Variants in NDE1 observed in about 807,000 individuals in gnomAD.
NDE1 encodes nuclear distribution protein nudE homolog 1.
In NDE1, 28 loss-of-function variants were observed where a neutral mutation model predicts 43.4. The ratio of observed to expected loss-of-function variants is 0.65; its 90% confidence interval spans 0.48 to 0.89. The LOEUF (loss-of-function observed/expected upper bound fraction) is 0.89, where lower values mean the gene tolerates loss of function less well. Ranked by LOEUF, NDE1 falls within the 40% of genes least tolerant of loss-of-function variation. The pLI, the probability that NDE1 is intolerant of heterozygous loss-of-function variation, is 0.00. For missense variants in NDE1, 441 were observed against 434.1 expected (o/e 1.02, Z -0.14); for synonymous variants, 184 against 172.0 (o/e 1.07, Z -0.55).
At chr16:15,710,582 G>C (rs1339524884) in intron 8 of NDE1, among the ~76,000 whole-genome samples, 1 of 152,140 alleles carries the variant, frequency 6.6e-6, no homozygotes, top group Admixed American at 6.6e-5. Flanking sequence ...AGACAGCAGT[G>C]GGGTAGGGAG....
At chr16:15,710,788 C>G (rs912600439) in intron 8 of NDE1, among the ~76,000 whole-genome samples, 5 of 152,072 alleles carry the variant, frequency 3.3e-5, no homozygotes, top group African/African-American at 1.2e-4. Context: ...AAGGAGTGTC[C>G]TGTCTCAGCC....
chr16:15,716,806 G>A (rs897608679), intron 8 of NDE1, among the ~76,000 whole-genome samples: 5 of 152,176 alleles, frequency 3.3e-5, no homozygotes, highest in African/African-American at 4.8e-5. Context: ...GAGCCACCAC[G>A]TCCAGCCTGG....
At chr16:15,700,155 G>C in intron 8 of NDE1, 1 of 1,030,286 alleles carries the variant, frequency 9.7e-7, no homozygotes, top group Non-Finnish European at 1.2e-6. Context: ...GGAGTGTGGT[G>C]GCGTGATCTC....
intron 8 of NDE1, chr16:15,718,779 C>A (rs1357395257): frequency 9.1e-6 from 4 of 439,134 alleles, no homozygotes; most frequent in Non-Finnish European, 1.7e-5. Context: ...GAAAACCTAA[C>A]CACCATGGGT....
intron 1 of NDE1, among the ~76,000 whole-genome samples, chr16:15,652,636 A>G (rs1023967016): frequency 6.6e-6 from 1 of 152,148 alleles, no homozygotes. Flanking sequence ...ATCCTGGAAC[A>G]ATAGCTATTT....
chr16:15,721,110 A>G, intron 8 of NDE1: 1 of 1,582,606 alleles, frequency 6.3e-7, no homozygotes, highest in Non-Finnish European at 8.6e-7. Context: ...GACGATTGAG[A>G]AACCCACCGT....
intron 3 of NDE1, among the ~76,000 whole-genome samples, chr16:15,668,323 C>A (rs575768882): frequency 6.6e-6 from 1 of 152,344 alleles, no homozygotes; most frequent in Non-Finnish European, 1.5e-5. Context: ...TGCCACTGCA[C>A]TCCAGCCTGG....
chr16:15,658,928 A>G (rs566105366), intron 1 of NDE1, among the ~76,000 whole-genome samples: 1 of 152,196 alleles, frequency 6.6e-6, no homozygotes, highest in Non-Finnish European at 1.5e-5. Flanking sequence ...AAGTGTTGAG[A>G]TTACAGGCAT....
At chr16:15,719,169 T>G in intron 8 of NDE1, 1 of 1,536,156 alleles carries the variant, frequency 6.5e-7, no homozygotes, top group Non-Finnish European at 9.0e-7. Flanking sequence ...GGATGCTGCC[T>G]GTCCCCCCAT....
intron 3 of NDE1, among the ~76,000 whole-genome samples, chr16:15,668,751 AGG>A (rs1739786580): frequency 6.6e-6 from 1 of 152,298 alleles, no homozygotes; most frequent in East Asian, 1.9e-4. Context: ...TAGTGGACAG[AGG>A]GGCTGCAGAC....
intron 3 of NDE1, among the ~76,000 whole-genome samples, chr16:15,676,023 A>G (rs2037852184): frequency 6.6e-6 from 1 of 151,986 alleles, no homozygotes; most frequent in Admixed American, 6.6e-5. Context: ...AATGGATGTT[A>G]TTGCTGCAGC....
chr16:15,660,696 C>T (rs571087705), intron 1 of NDE1, among the ~76,000 whole-genome samples: 1 of 152,262 alleles, frequency 6.6e-6, no homozygotes, highest in African/African-American at 2.4e-5. Flanking sequence ...TTCTTGCTCA[C>T]ACCGCCAGTG....
intron 8 of NDE1, chr16:15,704,017 A>C: frequency 6.2e-7 from 1 of 1,614,090 alleles, no homozygotes; most frequent in Non-Finnish European, 8.5e-7. Flanking sequence ...GTTCCATTGA[A>C]GTCTGCGTCT....
Position 15,694,181 on chromosome 16 carries a change from C to G in NDE1, c.720C>G (p.Thr240=), listed in dbSNP as rs150492774. The G allele has an allele frequency of 2.5e-6, 4 of 1,612,754 alleles. No individual in the cohort carries two copies. The highest frequency in any genetic ancestry group is 2.2e-5 in the East Asian group (1 of 44,874). Residue 240 remains threonine (T), a synonymous_variant, in exon 7 of 9, where the codon ACC becomes ACG. Coordinates refer to ENST00000396354, the MANE Select transcript of NDE1 (RefSeq NM_017668.3). ...CACACCCAGGCCTGGACGACTCCAC[C>G]GGGGGGACCCCCCTCACACCTGCGG... ...GSFRRGLDDS[T]GGTPLTPAAR... is the part of the protein sequence containing the mutation.
At chr16:15,709,283 A>G (rs2039646172) in intron 8 of NDE1, among the ~76,000 whole-genome samples, 1 of 151,280 alleles carries the variant, frequency 6.6e-6, no homozygotes, top group Admixed American at 6.6e-5. Context: ...GCAGTGAATC[A>G]CCTGACGCCA....
chr16:15,655,140 C>A (rs887986273), intron 1 of NDE1, among the ~76,000 whole-genome samples: 1 of 152,032 alleles, frequency 6.6e-6, no homozygotes, highest in Non-Finnish European at 1.5e-5. Flanking sequence ...GCCTCAGCCA[C>A]CCAAGTAGCT....
intron 8 of NDE1, chr16:15,714,807 G>T: frequency 7.2e-7 from 1 of 1,394,904 alleles, no homozygotes; most frequent in Admixed American, 1.7e-5. Flanking sequence ...GGGAGTGGCG[G>T]CTGTGGGCAC....
chr16:15,680,685 G>T (rs778336489), intron 4 of NDE1, among the ~76,000 whole-genome samples: 5 of 151,858 alleles, frequency 3.3e-5, no homozygotes, highest in African/African-American at 1.2e-4. Flanking sequence ...GATTACAGGC[G>T]CCCCCCACCA....
chr16:15,710,891 T>G (rs1009613482), intron 8 of NDE1, among the ~76,000 whole-genome samples: 1 of 152,144 alleles, frequency 6.6e-6, no homozygotes, highest in African/African-American at 2.4e-5. Flanking sequence ...TTGGCCAGGC[T>G]GGTCTCGAAC....
Sources: allele counts gnomAD v4.1 joint callset (sites outside exome capture counted in the v4.1 genomes callset), GRCh38; gene constraint gnomAD v4.1.1; transcripts MANE v1.5; gene names NCBI Gene and HGNC (gene_info 2026-07-23, HGNC 2026-07-21).